The following STAB2 variants were observed in gnomAD, a reference collection of about 807,000 sequenced individuals.
STAB2 encodes the protein stabilin-2.
STAB2 carries 288 observed loss-of-function variants against 338.1 expected under a neutral mutation model. The observed-to-expected ratio is 0.85, with a 90% confidence interval of 0.77 to 0.94. The LOEUF is 0.94. Ranked by LOEUF, STAB2 falls within the 40% of genes least tolerant of loss-of-function variation. STAB2 has a pLI of 0.00. For synonymous variants in STAB2, 1,202 were observed against 1,193.3 expected (o/e 1.01, Z -0.15); for missense variants, 3,141 against 3,210.1 (o/e 0.98, Z 0.52).
Position 103,676,031 on chromosome 12 carries a change from G to GGTCTTC in STAB2, c.2646+11_2646+16dup. 1 of 1,539,094 alleles carries GGTCTTC rather than the reference G, an allele frequency of 6.5e-7. No individual in the cohort carries two copies. The highest frequency in any genetic ancestry group is 8.8e-7 in the Non-Finnish European group (1 of 1,133,538). On this transcript the variant is annotated intron_variant, in intron 24 of 68. Transcript: ENST00000388887. The stretch of plus-strand genomic sequence containing the variant: ...AGGCTGTAGCCGCAATGTGAGTACT[G>GGTCTTC]GTCTTCATTTCCACCCTGCCTGGTT...
chr12:103,750,742 G>A, intron 60 of STAB2, 22 bp downstream of exon 60: 1 of 1,600,882 alleles, frequency 6.2e-7, no homozygotes, highest in South Asian at 1.1e-5. Context: ...CAGGGCCTAT[G>A]GCCCAAAGCA....
chr12:103,603,292 G>A (rs7958925), intron 3 of STAB2, among the ~76,000 whole-genome samples: 48,913 of 151,960 alleles, frequency 0.32, 10,032 homozygotes, highest in African/African-American at 0.58. Context: ...GGATGGTCTC[G>A]ATCTCCTGAC....
intron 55 of STAB2, among the ~76,000 whole-genome samples, chr12:103,741,588 G>A (rs933167279): frequency 1.3e-5 from 2 of 152,046 alleles, no homozygotes; most frequent in Non-Finnish European, 2.9e-5. Flanking sequence ...CAAGTAGCTG[G>A]GACTACAGGC....
intron 3 of STAB2, among the ~76,000 whole-genome samples, chr12:103,612,275 A>C (rs924168004): frequency 6.6e-6 from 1 of 152,314 alleles, no homozygotes; most frequent in Middle Eastern, 3.4e-3. Context: ...TATCCTGCAG[A>C]GTGTTTTCCA....
At chr12:103,747,012 A>G (rs1206361643) in intron 58 of STAB2, among the ~76,000 whole-genome samples, 1 of 144,572 alleles carries the variant, frequency 6.9e-6, no homozygotes, top group African/African-American at 2.6e-5. Flanking sequence ...GCTGGAGTGC[A>G]ATGGTGCAAT....
chr12:103,673,122 G>T (rs1875972768), intron 22 of STAB2, among the ~76,000 whole-genome samples: 1 of 152,140 alleles, frequency 6.6e-6, no homozygotes, highest in African/African-American at 2.4e-5. Flanking sequence ...ATGTGATAGA[G>T]TGAAAAACAA....
chr12:103,621,827 C>T (rs1957306844), intron 4 of STAB2, among the ~76,000 whole-genome samples: 1 of 152,236 alleles, frequency 6.6e-6, no homozygotes, highest in Admixed American at 6.5e-5. Flanking sequence ...ACTGACAAAG[C>T]AGCTTTCTCC....
intron 60 of STAB2, among the ~76,000 whole-genome samples, chr12:103,751,206 C>G (rs777020451): frequency 2.6e-5 from 4 of 152,114 alleles, no homozygotes; most frequent in Non-Finnish European, 5.9e-5. Flanking sequence ...CAGATGTGGT[C>G]TCTGGTGGAG....
At chr12:103,610,224 C>G (rs1056631022) in intron 3 of STAB2, among the ~76,000 whole-genome samples, 2 of 152,024 alleles carry the variant, frequency 1.3e-5, no homozygotes, top group Non-Finnish European at 2.9e-5. Context: ...GGAGGATTCC[C>G]TCTTTTTCTA....
chr12:103,612,381 T>C lies in STAB2; in HGVS notation c.332-8087T>C, dbSNP rs112816978. ...CCATATTTCTTGGAGGCTTTGTTCA[T>C]TTCTTTTTATTCTTTTTTCTCTAAA... On this transcript the variant is annotated intron_variant, in intron 3 of 68. Coordinates refer to ENST00000388887, the MANE Select transcript of STAB2 (RefSeq NM_017564.10). 3.2e-4 allele frequency among the ~76,000 whole-genome samples: 48 copies of C among 152,328 alleles called. 1 individual carries two copies. Among genetic ancestry groups the C allele is most frequent in the African/African-American group, 1.1e-3 (46 of 41,574 alleles).
At chr12:103,662,005 C>T (rs576765782) in intron 17 of STAB2, among the ~76,000 whole-genome samples, 1 of 151,962 alleles carries the variant, frequency 6.6e-6, no homozygotes, top group Non-Finnish European at 1.5e-5. Context: ...ATGACATGAT[C>T]GGGCATACAT....
chr12:103,710,972 C>G (rs896937102), intron 39 of STAB2, among the ~76,000 whole-genome samples: 2 of 152,190 alleles, frequency 1.3e-5, no homozygotes, highest in African/African-American at 4.8e-5. Context: ...TATTGTGTAC[C>G]TGCTGTGTGC....
chr12:103,695,388 T>A (rs1233478554), intron 31 of STAB2, among the ~76,000 whole-genome samples, 162 bp from the exon 32 acceptor site: 1 of 152,276 alleles, frequency 6.6e-6, no homozygotes, highest in African/African-American at 2.4e-5. Context: ...TGTCATGCTG[T>A]ATCCTGGAAT....
At chr12:103,741,903 G>A (rs1226614600) in intron 55 of STAB2, among the ~76,000 whole-genome samples, 1 of 152,168 alleles carries the variant, frequency 6.6e-6, no homozygotes, top group East Asian at 1.9e-4. Flanking sequence ...ACTCTGGGTT[G>A]AGAGCCCCCA....
intron 3 of STAB2, among the ~76,000 whole-genome samples, chr12:103,601,978 A>G (rs1303305010): frequency 6.6e-6 from 1 of 152,214 alleles, no homozygotes; most frequent in Non-Finnish European, 1.5e-5. Flanking sequence ...AAAATTTATT[A>G]TCATGATTTG....
intron 3 of STAB2, among the ~76,000 whole-genome samples, chr12:103,607,398 T>A (rs1259366947): frequency 6.6e-6 from 1 of 151,132 alleles, no homozygotes; most frequent in Non-Finnish European, 1.5e-5. Flanking sequence ...TGTTTTTTTT[T>A]AATTATACTT....
intron 26 of STAB2, 36 bp downstream of exon 26, chr12:103,683,336 A>AG: frequency 6.6e-7 from 1 of 1,517,372 alleles, no homozygotes; most frequent in Non-Finnish European, 9.0e-7. Context: ...TTACTTAAAA[A>AG]AAAAAAAAAA....
At chr12:103,657,065 G>T (rs1055742812) in intron 15 of STAB2, among the ~76,000 whole-genome samples, 1 of 152,026 alleles carries the variant, frequency 6.6e-6, no homozygotes, top group African/African-American at 2.4e-5. Flanking sequence ...CATATGAAAA[G>T]ATTAGTTATA....
chr12:103,685,348 C>T (rs1877299512), intron 27 of STAB2, among the ~76,000 whole-genome samples: 1 of 152,012 alleles, frequency 6.6e-6, no homozygotes, highest in Non-Finnish European at 1.5e-5. Context: ...TCTCAGACTT[C>T]CTAAAGAGCA....
Sources: allele counts gnomAD v4.1 joint callset (sites outside exome capture counted in the v4.1 genomes callset), GRCh38; gene constraint gnomAD v4.1.1; transcripts MANE v1.5; gene names NCBI Gene and HGNC (gene_info 2026-07-23, HGNC 2026-07-21).